Variants in NBEA observed in about 807,000 individuals in gnomAD.
NBEA encodes the protein neurobeachin, also known as lysosomal-trafficking regulator 2.
NBEA carries 44 observed loss-of-function variants against 343.4 expected under a neutral mutation model. The observed-to-expected ratio is 0.13, with a 90% CI of 0.10 to 0.16. The LOEUF (loss-of-function observed/expected upper bound fraction) is 0.16. Among genes scored for constraint, NBEA ranks in the 10% least tolerant of loss-of-function variants. NBEA has a pLI of 1.00. For missense variants in NBEA, 2,555 were observed against 3,631.3 expected (o/e 0.70, Z 7.62); for synonymous variants, 1,175 against 1,238.7 (o/e 0.95, Z 1.08).
chr13:35,254,907 T>A (rs1402525500), intron 34 of NBEA, among the ~76,000 whole-genome samples: 4 of 152,036 alleles, frequency 2.6e-5, no homozygotes, highest in Admixed American at 6.5e-5. Context: ...AATATTTTTT[T>A]AATATAAAAT....
At chr13:35,550,625 G>A (rs756646595) in intron 42 of NBEA, 31 bp downstream of exon 42, 13 of 1,368,406 alleles carry the variant, frequency 9.5e-6, no homozygotes, top group Admixed American at 1.8e-5. Flanking sequence ...GAAAGAAAAT[G>A]TGCTCATATT....
Position 35,549,824 on chromosome 13 carries a change from C to T in NBEA, c.6586-653C>T, listed in dbSNP as rs376899351. ...GAAGCAGGGAATAACATTGTCAGGACTGGCTTAGACCATGGGTCAGCCAAA... is the reference window on the plus strand; with the variant it reads ...GAAGCAGGGAATAACATTGTCAGGATTGGCTTAGACCATGGGTCAGCCAAA... On this transcript the variant is annotated intron_variant, in intron 41 of 58. Transcript: ENST00000379939. Among the ~76,000 whole-genome samples the T allele has an allele frequency of 4.6e-5, 7 of 152,338 alleles. No homozygotes were observed. The South Asian group carries it at 8.3e-4, about 18-fold the overall frequency.
At chr13:35,029,269 T>A (rs1240683506) in intron 1 of NBEA, among the ~76,000 whole-genome samples, 1 of 151,522 alleles carries the variant, frequency 6.6e-6, no homozygotes, top group Non-Finnish European at 1.5e-5. Flanking sequence ...ACCACTGCTG[T>A]GGTGTGGATG....
chr13:35,149,412 G>A (rs955140186), intron 18 of NBEA, among the ~76,000 whole-genome samples: 15 of 151,952 alleles, frequency 9.9e-5, no homozygotes, highest in Non-Finnish European at 2.1e-4. Context: ...TGTGAAAACA[G>A]ACAAACTAAG....
At chr13:35,558,396 G>A (rs563738061) in intron 44 of NBEA, among the ~76,000 whole-genome samples, 1 of 152,232 alleles carries the variant, frequency 6.6e-6, no homozygotes, top group African/African-American at 2.4e-5. Context: ...CTTCCCATAG[G>A]TGACATTTAA....
intron 38 of NBEA, among the ~76,000 whole-genome samples, chr13:35,417,820 A>T (rs557014596): frequency 6.6e-6 from 1 of 152,206 alleles, no homozygotes; most frequent in South Asian, 2.1e-4. Flanking sequence ...GATCTGTCTA[A>T]TGTTGACAGT....
intron 1 of NBEA, among the ~76,000 whole-genome samples, chr13:34,972,040 A>C (rs2060013991): frequency 6.6e-6 from 1 of 151,924 alleles, no homozygotes; most frequent in Admixed American, 6.6e-5. Flanking sequence ...CAGTTCAGGG[A>C]TTCAGTTTCT....
At chr13:35,216,269 T>G (rs74557716) in intron 33 of NBEA, among the ~76,000 whole-genome samples, 2 of 151,886 alleles carry the variant, frequency 1.3e-5, no homozygotes, top group East Asian at 3.9e-4. Context: ...TGAGATTGAG[T>G]GTCTATAAAC....
At chr13:35,262,902 G>T (rs1289195725) in intron 34 of NBEA, among the ~76,000 whole-genome samples, 2 of 152,136 alleles carry the variant, frequency 1.3e-5, no homozygotes, top group African/African-American at 4.8e-5. Flanking sequence ...CCTACCCAAA[G>T]CAATTTATAG....
At chr13:35,164,577 T>C in intron 24 of NBEA, 68 bp downstream of exon 24, 1 of 1,489,348 alleles carries the variant, frequency 6.7e-7, no homozygotes, top group East Asian at 2.4e-5. Flanking sequence ...TCAGTGGTGG[T>C]CTAGGCTATA....
chr13:35,076,864 C>T (rs945197811), intron 10 of NBEA, among the ~76,000 whole-genome samples: 4 of 152,010 alleles, frequency 2.6e-5, no homozygotes, highest in Non-Finnish European at 5.9e-5. Flanking sequence ...AACTGTCTTA[C>T]ATTACCTTCC....
chr13:35,090,582 T>G (rs2152626806), intron 10 of NBEA, among the ~76,000 whole-genome samples: 1 of 152,020 alleles, frequency 6.6e-6, no homozygotes, highest in South Asian at 2.1e-4. Flanking sequence ...AACCTGACTT[T>G]AACTGATGTG....
intron 1 of NBEA, among the ~76,000 whole-genome samples, chr13:34,943,853 G>A (rs981856491): frequency 6.6e-6 from 1 of 152,168 alleles, no homozygotes; most frequent in African/African-American, 2.4e-5. Flanking sequence ...AAGACTAAAG[G>A]AAAGGTTTTA....
At chr13:35,216,012 A>T (rs117865748) in intron 33 of NBEA, among the ~76,000 whole-genome samples, 5,367 of 151,658 alleles carry the variant, frequency 0.035, 145 homozygotes, top group Non-Finnish European at 0.054. Context: ...ATATTTTAAA[A>T]TATAAGCATG....
intron 41 of NBEA, among the ~76,000 whole-genome samples, chr13:35,542,360 T>C (rs1015009689): frequency 2.0e-5 from 3 of 152,204 alleles, no homozygotes; most frequent in African/African-American, 7.2e-5. Flanking sequence ...ATTTTTCCCG[T>C]TTTCAGTTTT....
chr13:35,394,579 G>GA (rs1041730192), intron 38 of NBEA, among the ~76,000 whole-genome samples: 90 of 149,670 alleles, frequency 6.0e-4, no homozygotes, highest in Middle Eastern at 3.5e-3. Flanking sequence ...AAACTCGCTG[G>GA]AAAAAAAAAT....
At chr13:35,207,941 CT>C (rs1288486588) in intron 31 of NBEA, among the ~76,000 whole-genome samples, 1 of 152,178 alleles carries the variant, frequency 6.6e-6, no homozygotes, top group Non-Finnish European at 1.5e-5. Context: ...CATTTAAAGT[CT>C]GGGCACGGTG....
intron 34 of NBEA, among the ~76,000 whole-genome samples, chr13:35,265,376 ATATG>A (rs1158404130): frequency 1.3e-5 from 2 of 152,064 alleles, no homozygotes; most frequent in Non-Finnish European, 2.9e-5. Context: ...CATTTCTAAA[ATATG>A]TATGGAACCA....
chr13:35,053,490 C>CAT (rs1258156799), intron 6 of NBEA, among the ~76,000 whole-genome samples: 9 of 151,950 alleles, frequency 5.9e-5, no homozygotes, highest in Non-Finnish European at 1.5e-5. Flanking sequence ...CTTTCCTTCC[C>CAT]AGTTACTTAT....
Sources: gnomAD v4.1 joint callset for allele counts (sites outside exome capture counted in the v4.1 genomes callset) on GRCh38, gnomAD v4.1.1 for gene constraint, MANE v1.5 for transcripts, NCBI Gene and HGNC (gene_info 2026-07-23, HGNC 2026-07-21) for gene names.